Variants in MCC observed in about 807,000 individuals in gnomAD.
The protein encoded by MCC is colorectal mutant cancer protein.
A neutral mutation model predicts 116.2 loss-of-function variants in MCC; 90 were observed. The observed-to-expected ratio is 0.77, with a 90% confidence interval of 0.65 to 0.92. The LOEUF is 0.92. MCC is among the 40% of genes least tolerant of loss of function. The pLI, the probability that MCC is intolerant of heterozygous loss-of-function variation, is 0.00. For synonymous variants in MCC, 578 were observed against 510.5 expected (o/e 1.13, Z -1.78); for missense variants, 1,516 against 1,312.2 (o/e 1.16, Z -2.40).
At chr5:113,402,744 A>T (rs944219360) in intron 1 of MCC, among the ~76,000 whole-genome samples, 1 of 152,184 alleles carries the variant, frequency 6.6e-6, no homozygotes, top group Admixed American at 6.5e-5. Flanking sequence ...AGAAAGGAGA[A>T]GGAGGAGATT....
intron 1 of MCC, among the ~76,000 whole-genome samples, chr5:113,426,635 A>G (rs1349576688): frequency 6.6e-6 from 1 of 152,198 alleles, no homozygotes; most frequent in East Asian, 1.9e-4. Flanking sequence ...GCATGTGAAC[A>G]TGCCTATATT....
chr5:113,147,928 C>T (rs948736507), intron 4 of MCC, among the ~76,000 whole-genome samples: 9 of 152,222 alleles, frequency 5.9e-5, no homozygotes, highest in South Asian at 2.1e-4. Flanking sequence ...GTGTTCTCTT[C>T]CTGAATGCCA....
chr5:113,227,222 A>ATC (rs1763773992), intron 3 of MCC, among the ~76,000 whole-genome samples: 1 of 152,216 alleles, frequency 6.6e-6, no homozygotes, highest in African/African-American at 2.4e-5. Context: ...TCTTGAAGTT[A>ATC]TCTCTACCTA....
chr5:113,248,665 C>T lies in MCC; in HGVS notation c.627+91854G>A, dbSNP rs183344437. Among the ~76,000 whole-genome samples, 12 of 152,240 alleles carry T rather than the reference C, an allele frequency of 7.9e-5. No individual in the cohort carries two copies. The East Asian group carries it at 2.3e-3, about 29-fold the overall frequency. Reference sequence around the variant, plus strand: ...AGACATAGTTCAAGTCTGGTTCGTCCAACATATTCACCAAGAAGGGTCTTG... The same window carrying T: ...AGACATAGTTCAAGTCTGGTTCGTCTAACATATTCACCAAGAAGGGTCTTG... On this transcript the variant is annotated intron_variant, in intron 3 of 18. Transcript: ENST00000408903.
chr5:113,376,574 T>TACAC lies in MCC; in HGVS notation c.415+8390_415+8393dup, dbSNP rs1554079796. On this transcript the variant is annotated intron_variant, in intron 2 of 18. Coordinates refer to ENST00000408903, the MANE Select transcript of MCC (RefSeq NM_001085377.2). ...TGAATCTCCTAGTTGCCATATTTTATACACACACACACACACACACACACA... is the reference window on the plus strand; with the variant it reads ...TGAATCTCCTAGTTGCCATATTTTATACACACACACACACACACACACACACACA... Among the ~76,000 whole-genome samples the TACAC allele has an allele frequency of 9.5e-3, 1,391 of 145,872 alleles. 19 individuals carry two copies. Among genetic ancestry groups the TACAC allele is most frequent in the African/African-American group, 0.023 (890 of 39,186 alleles).
At chr5:113,053,629 G>T in intron 15 of MCC, 96 bp downstream of exon 15, 1 of 804,092 alleles carries the variant, frequency 1.2e-6, no homozygotes, top group East Asian at 2.5e-5. Context: ...TGGGCAGGAG[G>T]GGTTGATTCC....
At chr5:113,197,044 T>C (rs1762446256) in intron 3 of MCC, among the ~76,000 whole-genome samples, 1 of 152,258 alleles carries the variant, frequency 6.6e-6, no homozygotes, top group East Asian at 1.9e-4. Context: ...GATGTATACA[T>C]GGAAATCTGA....
chr5:113,165,712 A>C (rs1760731357), intron 3 of MCC, among the ~76,000 whole-genome samples: 1 of 152,180 alleles, frequency 6.6e-6, no homozygotes, highest in African/African-American at 2.4e-5. Context: ...TCTAAATGGC[A>C]GGAGCACCCG....
chr5:113,416,475 C>A (rs1310631347), intron 1 of MCC, among the ~76,000 whole-genome samples: 1 of 151,850 alleles, frequency 6.6e-6, no homozygotes, highest in African/African-American at 2.4e-5. Flanking sequence ...AACATGGCAG[C>A]TATATATGTA....
At chr5:113,248,235 TAA>T (rs10574369) in intron 3 of MCC, among the ~76,000 whole-genome samples, 33,588 of 133,410 alleles carry the variant, frequency 0.25, 5,138 homozygotes, top group African/African-American at 0.42. Context: ...TGTATCTATT[TAA>T]AAAAAAAAAA....
chr5:113,391,437 G>C (rs543937403), intron 1 of MCC, among the ~76,000 whole-genome samples: 3 of 152,226 alleles, frequency 2.0e-5, no homozygotes, highest in African/African-American at 7.2e-5. Flanking sequence ...AATCAGGGTT[G>C]GGCATAGTGG....
chr5:113,400,255 T>C (rs1218830232), intron 1 of MCC, among the ~76,000 whole-genome samples: 2 of 150,948 alleles, frequency 1.3e-5, no homozygotes, highest in Non-Finnish European at 3.0e-5. Flanking sequence ...CCCGAGTAGC[T>C]GGAATTGCAG....
intron 3 of MCC, among the ~76,000 whole-genome samples, chr5:113,250,530 T>G (rs1306866289): frequency 6.6e-6 from 1 of 151,538 alleles, no homozygotes; most frequent in Non-Finnish European, 1.5e-5. Context: ...CAGAGACATG[T>G]GCCTTTATAA....
At chr5:113,126,847 G>T (rs1261230104) in intron 5 of MCC, among the ~76,000 whole-genome samples, 1 of 152,066 alleles carries the variant, frequency 6.6e-6, no homozygotes, top group Admixed American at 6.6e-5. Context: ...GTAGGGGTTG[G>T]TGCCACTATC....
rs114790794 is a variant in MCC, at chr5:113,036,775, G to C, written c.2756+6755C>G. On this transcript the variant is annotated intron_variant, in intron 17 of 18. Coordinates refer to ENST00000408903, the MANE Select transcript of MCC (RefSeq NM_001085377.2). The stretch of plus-strand genomic sequence containing the variant: ...TTCTCTTTGAGCTTTGGGGATGCTG[G>C]AGGGATGGCAAAAAAGTAAAATAAA... Among the ~76,000 whole-genome samples, 1,064 of 152,280 alleles carry C rather than the reference G, an allele frequency of 7.0e-3. 10 individuals are homozygous for C. The highest frequency in any genetic ancestry group is 0.024 in the African/African-American group (986 of 41,568).
At chr5:113,298,647 G>A (rs1262965533) in intron 3 of MCC, among the ~76,000 whole-genome samples, 1 of 152,190 alleles carries the variant, frequency 6.6e-6, no homozygotes, top group Non-Finnish European at 1.5e-5. Flanking sequence ...GGGAGCAGGT[G>A]TCAAGGACAA....
At chr5:113,199,531 A>G (rs1762582649) in intron 3 of MCC, among the ~76,000 whole-genome samples, 1 of 152,194 alleles carries the variant, frequency 6.6e-6, no homozygotes, top group Non-Finnish European at 1.5e-5. Flanking sequence ...CTGCTTCCAG[A>G]TTCTCAAAAG....
chr5:113,045,024 GC>G, intron 16 of MCC, among the ~76,000 whole-genome samples: 1 of 152,288 alleles, frequency 6.6e-6, no homozygotes, highest in East Asian at 1.9e-4. Context: ...CACCTGGGCC[GC>G]CTTCCACCTC....
chr5:113,291,326 A>G (rs895779505), intron 3 of MCC, among the ~76,000 whole-genome samples: 2 of 152,222 alleles, frequency 1.3e-5, no homozygotes, highest in South Asian at 2.1e-4. Flanking sequence ...TGGTTGACCA[A>G]AGCTTGCTGC....
Sources: allele counts gnomAD v4.1 joint callset (sites outside exome capture counted in the v4.1 genomes callset), GRCh38; gene constraint gnomAD v4.1.1; transcripts MANE v1.5; gene names NCBI Gene and HGNC (gene_info 2026-07-23, HGNC 2026-07-21).